The following SCN2A variants were observed in gnomAD, a reference collection of about 807,000 sequenced individuals.
The protein encoded by SCN2A is sodium voltage-gated channel alpha subunit 2, also known as sodium channel protein type 2 subunit alpha.
Under a neutral mutation model 188.7 loss-of-function variants are expected in SCN2A, and 20 were observed. The ratio of observed to expected loss-of-function variants is 0.11; its 90% CI spans 0.07 to 0.15. SCN2A has a LOEUF of 0.15. Among genes scored for constraint, SCN2A ranks in the 10% least tolerant of loss-of-function variants. The pLI, the probability that SCN2A is intolerant of heterozygous loss-of-function variation, is 1.00. For synonymous variants in SCN2A, 804 were observed against 833.1 expected, an observed-to-expected ratio of 0.97 and a Z score of 0.60; for missense variants, 1,278 against 2,445.0, an observed-to-expected ratio of 0.52 and a Z score of 10.07.
intron 8 of SCN2A, 123 bp downstream of exon 8, chr2:165,312,211 C>T (rs1697472922): frequency 8.1e-6 from 6 of 737,788 alleles, no homozygotes; most frequent in Middle Eastern, 2.3e-4. Flanking sequence ...TTCTACTTCA[C>T]GGTGACTCTC....
Position 165,331,339 on chromosome 2 carries a change from A to G in SCN2A, c.2159A>G (p.Glu720Gly). The change falls in exon 14 of 27, where the codon GAA becomes GGA. Residue 720 changes from glutamate (E) to glycine (G), a missense_variant. Glu to Gly is a moderately conservative substitution (Grantham distance 98). Around this residue, in one of 17 missense-constraint regions of SCN2A, gnomAD observed 315 missense variants for 386.6 expected, o/e 0.81. Coordinates refer to ENST00000375437, the MANE Select transcript of SCN2A (RefSeq NM_001040142.2). Reference protein sequence around the residue: ...ILTNTMEELEESRQKCPPCWY... With the variant: ...ILTNTMEELEGSRQKCPPCWY... ...ACTTTTTTTCTTCCAGAACTTGAAG[A>G]ATCCAGACAGAAATGCCCACCATGC... 1.9e-6 allele frequency: 3 copies of G among 1,613,110 alleles called. No homozygotes were observed. Among genetic ancestry groups the G allele is most frequent in the Non-Finnish European group, 2.5e-6 (3 of 1,179,166 alleles).
chr2:165,265,396 T>TATTAGACCTTTGTCA (rs201857924), intron 1 of SCN2A, among the ~76,000 whole-genome samples: 6,743 of 143,494 alleles, frequency 0.047, 193 homozygotes, highest in Middle Eastern at 0.16. Context: ...AGATGCTGGA[T>TATTAGACCTTTGTCA]ATTAGACCTT....
chr2:165,356,230 A>T (rs1191473462), intron 17 of SCN2A, among the ~76,000 whole-genome samples: 2 of 152,216 alleles, frequency 1.3e-5, no homozygotes, highest in Non-Finnish European at 2.9e-5. Flanking sequence ...AACTGATGAG[A>T]TTCAAGGGAA....
In SCN2A at chr2:165,345,321, C is replaced by T. The variant is rs561245591; in HGVS notation, c.2919+410C>T. 5.9e-5 allele frequency among the ~76,000 whole-genome samples: 9 copies of T among 152,190 alleles called. No individual in the cohort carries two copies. The South Asian group carries it at 1.7e-3, about 28-fold the overall frequency. ...GTTTATTAAGAGCTCATGGGGTTTT[C>T]GGTGCCTAGAAACTATGGTATGAGC... On this transcript the variant is annotated intron_variant, in intron 16 of 26. Coordinates refer to ENST00000375437, the MANE Select transcript of SCN2A (RefSeq NM_001040142.2).
Position 165,365,158 on chromosome 2 carries a change from A to G in SCN2A, c.3415A>G (p.Ser1139Gly), listed in dbSNP as rs866671967. 6.2e-7 allele frequency: 1 copy of G among 1,613,396 alleles called. No homozygotes were observed. Among genetic ancestry groups the G allele is most frequent in the Non-Finnish European group, 8.5e-7 (1 of 1,179,576 alleles). The change falls in exon 18 of 27, where the codon AGT becomes GGT. Residue 1139 changes from serine (S) to glycine (G), a missense_variant. Around this residue, in one of 17 missense-constraint regions of SCN2A, gnomAD observed 228 missense variants for 297.3 expected, o/e 0.77. Coordinates refer to ENST00000375437, the MANE Select transcript of SCN2A (RefSeq NM_001040142.2). ...TGATTTTCAGAAGCTAAATGCAACT[A>G]GTTCATCTGAAGGCAGCACGGTTGA... The part of the protein sequence containing the change: ...EESKEKLNAT[S>G]SSEGSTVDIG...
At chr2:165,252,296 C>T (rs6721613) in intron 1 of SCN2A, among the ~76,000 whole-genome samples, 134,699 of 152,030 alleles carry the variant, frequency 0.89, 59,811 homozygotes, top group African/African-American at 0.93. Flanking sequence ...AGGGGACTTT[C>T]TGTCAACATT....
At chr2:165,280,887 G>A (rs905263293) in intron 1 of SCN2A, among the ~76,000 whole-genome samples, 14 of 152,278 alleles carry the variant, frequency 9.2e-5, no homozygotes, top group African/African-American at 2.9e-4. Context: ...ACATTGCAAT[G>A]TACAGAGACA....
At chr2:165,343,279 C>T (rs1235873708) in intron 15 of SCN2A, among the ~76,000 whole-genome samples, 2 of 152,106 alleles carry the variant, frequency 1.3e-5, no homozygotes, top group Non-Finnish European at 2.9e-5. Flanking sequence ...TTTACAATTT[C>T]CCTTTCTGCT....
chr2:165,381,904 C>A (rs918209088), intron 25 of SCN2A, among the ~76,000 whole-genome samples: 1 of 151,906 alleles, frequency 6.6e-6, no homozygotes, highest in Non-Finnish European at 1.5e-5. Flanking sequence ...CCAACGTATA[C>A]GTGGTATAAA....
chr2:165,247,224 G>A (rs929872577), intron 1 of SCN2A, among the ~76,000 whole-genome samples: 3 of 151,946 alleles, frequency 2.0e-5, no homozygotes, highest in African/African-American at 7.3e-5. Flanking sequence ...TATTATATTT[G>A]CATACAAGCA....
intron 7 of SCN2A, among the ~76,000 whole-genome samples, chr2:165,310,936 CACTGAAATGTGTTAAGAAG>C (rs1352166594): frequency 2.0e-5 from 3 of 152,052 alleles, no homozygotes; most frequent in Admixed American, 2.0e-4. Flanking sequence ...CAGTGTATTC[CACTGAAATGTGTTAAGAAG>C]ACTGAGGGGA....
intron 25 of SCN2A, among the ~76,000 whole-genome samples, chr2:165,386,510 A>T (rs1290677668): frequency 6.6e-6 from 1 of 151,908 alleles, no homozygotes; most frequent in African/African-American, 2.4e-5. Context: ...AAGATTTGAG[A>T]TCTGACATGG....
At chr2:165,269,830 T>A (rs1695028670) in intron 1 of SCN2A, 1 of 152,026 alleles carries the variant, frequency 6.6e-6, no homozygotes, top group Admixed American at 6.6e-5. Flanking sequence ...AATTTATATA[T>A]TAACTTTTAC....
intron 26 of SCN2A, among the ~76,000 whole-genome samples, chr2:165,388,275 T>C (rs1701975163): frequency 6.6e-6 from 1 of 152,162 alleles, no homozygotes; most frequent in South Asian, 2.1e-4. Context: ...ACACCTTTAG[T>C]TCTTATGCAA....
chr2:165,286,316 T>G (rs1478690997), intron 1 of SCN2A, among the ~76,000 whole-genome samples: 1 of 152,172 alleles, frequency 6.6e-6, no homozygotes. Context: ...CATGTGCATG[T>G]AGGTAACATT....
Position 165,244,856 on chromosome 2 carries a change from G to A in SCN2A, c.-52+5216G>A, listed in dbSNP as rs569931018. On this transcript the variant is annotated intron_variant, in intron 1 of 26. Transcript: ENST00000375437. ...TATTAGCAAATAGGTATACAATTAT[G>A]TGATTGTGTAATTACTCAGCTACAT... Among the ~76,000 whole-genome samples, 390 of 152,214 alleles carry A rather than the reference G, an allele frequency of 2.6e-3. 3 individuals are homozygous for A. Among genetic ancestry groups the A allele is most frequent in the African/African-American group, 8.8e-3 (364 of 41,530 alleles).
chr2:165,279,840 A>C (rs2106118594), intron 1 of SCN2A, among the ~76,000 whole-genome samples: 1 of 152,212 alleles, frequency 6.6e-6, no homozygotes, highest in East Asian at 1.9e-4. Context: ...TGTGAGAGGG[A>C]CCCAGTGGGA....
chr2:165,244,505 GA>G (rs1327097374), intron 1 of SCN2A, among the ~76,000 whole-genome samples: 1 of 151,590 alleles, frequency 6.6e-6, no homozygotes, highest in Non-Finnish European at 1.5e-5. Context: ...TAATAATAAT[GA>G]AAAAATCTTA....
In SCN2A at chr2:165,311,890, T is replaced by C. The variant is rs189591560; in HGVS notation, c.971-135T>C. The C allele has an allele frequency of 5.1e-5, 34 of 666,372 alleles. No individual in the cohort carries two copies. In the African/African-American group the frequency reaches 5.2e-4, roughly 10 times the overall value. 41.3% of individuals were successfully genotyped at this position (666,372 alleles called of 1,614,324 possible). On this transcript the variant is annotated intron_variant, in intron 7 of 26. Coordinates refer to ENST00000375437, the MANE Select transcript of SCN2A (RefSeq NM_001040142.2). ...TTTGTTCAATATTGTGAAAAATCTC[T>C]TTAGCCATATATATTTATTAGTTTA...
Sources: gnomAD v4.1 joint callset for allele counts (sites outside exome capture counted in the v4.1 genomes callset) on GRCh38, gnomAD v4.1.1 for gene constraint, gnomAD v4.1.1 regional missense constraint, MANE v1.5 for transcripts, NCBI Gene and HGNC (gene_info 2026-07-23, HGNC 2026-07-21) for gene names.